Variants in NDP observed in about 807,000 individuals in gnomAD.
NDP encodes the protein norrin.
A neutral mutation model predicts 8.4 loss-of-function variants in NDP; 2 were observed. The ratio of observed to expected loss-of-function variants is 0.24; its 90% CI spans 0.10 to 0.75. The LOEUF is 0.75. Ranked by LOEUF, NDP falls within the 30% of genes least tolerant of loss-of-function variation. The probability of loss-of-function intolerance (pLI) is 0.73; values close to 1 mark genes in which losing one functional copy is unlikely to be tolerated. For synonymous variants in NDP, 55 were observed against 45.6 expected, an observed-to-expected ratio of 1.21 and a Z score of -0.83; for missense variants, 81 against 110.1, an observed-to-expected ratio of 0.74 and a Z score of 1.18.
At chrX:43,968,957 C>T (rs984443237) in intron 1 of NDP, among the ~76,000 whole-genome samples, 1 of 111,472 alleles carries the variant, frequency 9.0e-6, no homozygotes, top group Admixed American at 9.5e-5. Context: ...GACCAAAGCC[C>T]CCAGAAAAAG....
chrX:43,959,540 G>A (rs1370407299), intron 1 of NDP, among the ~76,000 whole-genome samples: 2 of 112,165 alleles, frequency 1.8e-5, no homozygotes, highest in Non-Finnish European at 3.8e-5. Context: ...TTTGTAGCCT[G>A]GGCACATGGT....
intron 1 of NDP, among the ~76,000 whole-genome samples, chrX:43,972,793 A>G (rs778971401): frequency 2.6e-3 from 289 of 112,853 alleles, no homozygotes; most frequent in Non-Finnish European, 4.5e-3. Flanking sequence ...GTTTGAAGTC[A>G]TTCTGAGCAC....
intron 2 of NDP, among the ~76,000 whole-genome samples, chrX:43,952,582 C>A (rs777087673): frequency 8.9e-6 from 1 of 111,819 alleles, no homozygotes; most frequent in South Asian, 3.8e-4. Context: ...ATGACCAAGT[C>A]AACAGCGTAG....
rs757619775 is a variant in NDP at position 43,949,571 on chromosome X, G to A, written c.*228C>T. 2 of 424,059 alleles carry A rather than the reference G, an allele frequency of 4.7e-6. 1 individual carries two copies. The highest frequency in any genetic ancestry group is 7.0e-5 in the South Asian group (2 of 28,393). 34.9% of individuals were successfully genotyped at this position (424,059 alleles called of 1,213,427 possible). ...GGGGAAAATGCCTGAATCTGAAAATGAACCAAAAGAAATTGTACCAGAGAA... is the reference window on the plus strand; with the variant it reads ...GGGGAAAATGCCTGAATCTGAAAATAAACCAAAAGAAATTGTACCAGAGAA... On this transcript the variant is annotated 3_prime_UTR_variant, in exon 3 of 3. Coordinates refer to ENST00000642620, the MANE Select transcript of NDP (RefSeq NM_000266.4).
At chrX:43,966,850 G>A (rs1389908458) in intron 1 of NDP, among the ~76,000 whole-genome samples, 2 of 111,635 alleles carry the variant, frequency 1.8e-5, no homozygotes, top group African/African-American at 3.3e-5. Flanking sequence ...CTTTGGAATG[G>A]TGGGTAGTGA....
At chrX:43,965,864 G>A (rs769382916) in intron 1 of NDP, among the ~76,000 whole-genome samples, 2 of 111,761 alleles carry the variant, frequency 1.8e-5, no homozygotes, top group African/African-American at 6.5e-5. Flanking sequence ...TCTGCTAGGG[G>A]AGGTACATTC....
intron 1 of NDP, chrX:43,969,587 A>G (rs867613602): frequency 7.3e-4 from 82 of 112,702 alleles, no homozygotes; most frequent in African/African-American, 2.4e-3. Flanking sequence ...TCGGCAGCCC[A>G]AAGGGCAGCT....
At chrX:43,972,800 G>A (rs2035898742) in intron 1 of NDP, among the ~76,000 whole-genome samples, 1 of 112,700 alleles carries the variant, frequency 8.9e-6, no homozygotes, top group South Asian at 3.7e-4. Context: ...GTCATTCTGA[G>A]CACTCCGGCA....
chrX:43,967,421 T>A (rs2035864208), intron 1 of NDP, among the ~76,000 whole-genome samples: 2 of 95,279 alleles, frequency 2.1e-5, no homozygotes, highest in South Asian at 4.7e-4. Context: ...TGTACCCACA[T>A]AATTAGGTAC....
At position 43,958,534 on chromosome X, in the gene NDP, G is replaced by C; in HGVS notation, c.112C>G (p.Arg38Gly). Residue 38 changes from arginine to glycine, a missense_variant, in exon 2 of 3, where the codon CGC (arginine) becomes GGC (glycine). Arg to Gly is a moderately radical substitution (Grantham distance 125). Transcript: ENST00000642620. Reference sequence around the variant, plus strand: ...TCCACATAGTGGTGCCTCATGCAGCGTCGAGGGTCCGAGTCCATTATGAAT... The same window carrying C: ...TCCACATAGTGGTGCCTCATGCAGCCTCGAGGGTCCGAGTCCATTATGAAT... ...SSFIMDSDPR[R>G]CMRHHYVDSI... The C allele has an allele frequency of 8.3e-7, 1 of 1,211,708 alleles. No individual in the cohort carries two copies. The highest frequency in any genetic ancestry group is 1.1e-6 in the Non-Finnish European group (1 of 895,137).
intron 1 of NDP, among the ~76,000 whole-genome samples, chrX:43,963,578 A>G (rs943459013): frequency 2.7e-5 from 3 of 112,422 alleles, no homozygotes; most frequent in Non-Finnish European, 5.6e-5. Context: ...AATTGCAAAA[A>G]CATCAAAGAT....
At chrX:43,963,197 CAT>C (rs1464590871) in intron 1 of NDP, among the ~76,000 whole-genome samples, 1 of 111,970 alleles carries the variant, frequency 8.9e-6, no homozygotes, top group Non-Finnish European at 1.9e-5. Flanking sequence ...TATTTTTTAA[CAT>C]GTATTTATTG....
chrX:43,971,834 A>G (rs900836493), intron 1 of NDP, among the ~76,000 whole-genome samples: 1 of 112,149 alleles, frequency 8.9e-6, no homozygotes, highest in African/African-American at 3.2e-5. Flanking sequence ...TGGGCTGGTT[A>G]TCAGAGAAAA....
chrX:43,967,713 GA>G (rs2035866273), intron 1 of NDP, among the ~76,000 whole-genome samples: 1 of 111,437 alleles, frequency 9.0e-6, no homozygotes, highest in East Asian at 2.8e-4. Flanking sequence ...CTGATGAAAG[GA>G]TGGAAGAGGA....
At chrX:43,959,255 G>A (rs765457124) in intron 1 of NDP, among the ~76,000 whole-genome samples, 15 of 111,646 alleles carry the variant, frequency 1.3e-4, no homozygotes, top group Non-Finnish European at 2.3e-4. Context: ...TGGTGTCAGC[G>A]TCAGCTTACA....
chrX:43,950,475 A>G (rs868639832), intron 2 of NDP, among the ~76,000 whole-genome samples: 10 of 110,031 alleles, frequency 9.1e-5, no homozygotes, highest in Admixed American at 2.9e-4. Flanking sequence ...AAAAAAAAAA[A>G]AAAGAAATTG....
In NDP at chrX:43,949,698, G is replaced by A; in HGVS notation, c.*101C>T. ...TATGCAGAGTCCCGGGAGAATTGTTGCATCCTTTTTTGCCTTAACTCTTTT... is the reference window on the plus strand; with the variant it reads ...TATGCAGAGTCCCGGGAGAATTGTTACATCCTTTTTTGCCTTAACTCTTTT... On this transcript the variant is annotated 3_prime_UTR_variant, in exon 3 of 3. Transcript: ENST00000642620. 1 of 754,272 alleles carries A rather than the reference G, an allele frequency of 1.3e-6. No homozygotes were observed. The highest frequency in any genetic ancestry group is 2.0e-6 in the Non-Finnish European group (1 of 499,168). 62.2% of individuals were successfully genotyped at this position (754,272 alleles called of 1,213,427 possible).
chrX:43,952,753 T>A (rs190774303), intron 2 of NDP, among the ~76,000 whole-genome samples: 2 of 112,288 alleles, frequency 1.8e-5, no homozygotes, highest in African/African-American at 6.5e-5. Flanking sequence ...AGCTGGACTG[T>A]TTGTGCAAGA....
At chrX:43,964,430 TG>T (rs1202637628) in intron 1 of NDP, among the ~76,000 whole-genome samples, 1 of 111,393 alleles carries the variant, frequency 9.0e-6, no homozygotes, top group African/African-American at 3.3e-5. Context: ...TGTATGTCCT[TG>T]GCTTGAAAAG....
Sources: allele counts gnomAD v4.1 joint callset (sites outside exome capture counted in the v4.1 genomes callset), GRCh38; gene constraint gnomAD v4.1.1; transcripts MANE v1.5; gene names NCBI Gene and HGNC (gene_info 2026-07-23, HGNC 2026-07-21).